The following FUT8 variants were observed in gnomAD, a reference collection of about 807,000 sequenced individuals.
The protein encoded by FUT8 is alpha-(1,6)-fucosyltransferase.
FUT8 carries 29 observed loss-of-function variants against 71.3 expected under a neutral mutation model. The observed-to-expected ratio is 0.41, with a 90% confidence interval of 0.30 to 0.55. FUT8 has a LOEUF of 0.55. Ranked by LOEUF, FUT8 falls within the 20% of genes least tolerant of loss-of-function variation. The probability of loss-of-function intolerance (pLI) is 0.34; values close to 1 mark genes in which losing one functional copy is unlikely to be tolerated. For missense variants in FUT8, 544 were observed against 702.1 expected (o/e 0.77, Z 2.55); for synonymous variants, 254 against 239.3 (o/e 1.06, Z -0.57).
At chr14:65,362,731 G>C in the FUT8 span, among the ~76,000 whole-genome samples, 1 of 152,118 alleles carries the variant, frequency 6.6e-6, no homozygotes, top group African/African-American at 2.4e-5. Flanking sequence ...GGGAGGCTGA[G>C]GCGGGTGAAT....
chr14:65,724,326 A>G lies in FUT8; in HGVS notation c.1259+3A>G, dbSNP rs1265622998. 6.3e-7 allele frequency: 1 copy of G among 1,581,690 alleles called. No homozygotes were observed. Among genetic ancestry groups the G allele is most frequent in the African/African-American group, 1.3e-5 (1 of 74,074 alleles). Reference sequence around the variant, plus strand: ...TTATTAAAGGAGGCAAAAACAAAGTAAGTTAGACCAACTAGTGATTCTAGA... The same window carrying G: ...TTATTAAAGGAGGCAAAAACAAAGTGAGTTAGACCAACTAGTGATTCTAGA... On this transcript the variant is annotated splice_donor_region_variant and intron_variant, in intron 9 of 10. Coordinates refer to ENST00000673929, the MANE Select transcript of FUT8 (RefSeq NM_001371533.1).
At chr14:65,432,011 A>C (rs2065484214) in intron 1 of FUT8, among the ~76,000 whole-genome samples, 1 of 152,186 alleles carries the variant, frequency 6.6e-6, no homozygotes, top group Non-Finnish European at 1.5e-5. Flanking sequence ...ATTTTTTACT[A>C]AAACTGTTCT....
chr14:65,439,938 ATG>A (rs543440132), intron 1 of FUT8, among the ~76,000 whole-genome samples: 2,722 of 74,046 alleles, frequency 0.037, 134 homozygotes, highest in Middle Eastern at 0.06. Flanking sequence ...GATAAAGAAA[ATG>A]TGTGTGTGTG....
chr14:65,561,517 A>G lies in FUT8; in HGVS notation c.-47A>G, dbSNP rs754275403. Reference sequence around the variant, plus strand: ...TAGAAACAGAGTTACAATGTTTTCAATTCTTTGAGCTCCAGGACTCCAGGG... The same window carrying G: ...TAGAAACAGAGTTACAATGTTTTCAGTTCTTTGAGCTCCAGGACTCCAGGG... On this transcript the variant is annotated 5_prime_UTR_variant, in exon 3 of 11. Transcript: ENST00000673929. 64 of 1,578,308 alleles carry G rather than the reference A, an allele frequency of 4.1e-5. No individual in the cohort carries two copies. The highest frequency in any genetic ancestry group is 5.1e-5 in the Non-Finnish European group (59 of 1,150,014).
chr14:65,568,632 AATTAT>A (rs1886320915), intron 3 of FUT8, among the ~76,000 whole-genome samples: 2 of 151,476 alleles, frequency 1.3e-5, no homozygotes, highest in South Asian at 4.2e-4. Flanking sequence ...AACCAGATAG[AATTAT>A]ATTCTATATT....
chr14:65,676,022 A>C (rs574385965), intron 7 of FUT8, among the ~76,000 whole-genome samples: 1 of 152,222 alleles, frequency 6.6e-6, no homozygotes, highest in East Asian at 1.9e-4. Flanking sequence ...ACAAAAAATA[A>C]ATGTAATAAA....
intron 1 of FUT8, among the ~76,000 whole-genome samples, chr14:65,428,629 A>G (rs1266649214): frequency 2.0e-5 from 3 of 152,270 alleles, no homozygotes; most frequent in Non-Finnish European, 4.4e-5. Context: ...TGGAAGAATC[A>G]AGATGGGTGA....
intron 7 of FUT8, among the ~76,000 whole-genome samples, chr14:65,699,390 A>C (rs772760144): frequency 6.6e-6 from 1 of 152,134 alleles, no homozygotes; most frequent in South Asian, 2.1e-4. Context: ...TACTTGCCCC[A>C]TAGGATTGTT....
Position 65,633,968 on chromosome 14 carries a change from C to T in FUT8, c.597+4362C>T, listed in dbSNP as rs556640683. Among the ~76,000 whole-genome samples the T allele has an allele frequency of 1.7e-4, 25 of 151,470 alleles. No individual in the cohort carries two copies. The South Asian group carries it at 2.9e-3, about 18-fold the overall frequency. On this transcript the variant is annotated intron_variant, in intron 6 of 10. Transcript: ENST00000673929. ...GGGGGTCAGCCCCTGCCCGGCTAGC[C>T]GCCCCATCCGGGAGGTGAGGGGCGC...
chr14:65,667,794 C>G (rs1230013992), intron 6 of FUT8, among the ~76,000 whole-genome samples: 1 of 152,122 alleles, frequency 6.6e-6, no homozygotes, highest in Admixed American at 6.6e-5. Context: ...CTGCAGTAAC[C>G]ATGGTATGGG....
intron 1 of FUT8, among the ~76,000 whole-genome samples, chr14:65,415,147 T>A (rs968820306): frequency 1.4e-4 from 21 of 152,346 alleles, no homozygotes; most frequent in Admixed American, 5.2e-4. Flanking sequence ...TTATTATTTT[T>A]AAAAATGCTG....
chr14:65,555,505 C>A (rs1885539921), intron 2 of FUT8, among the ~76,000 whole-genome samples: 1 of 152,192 alleles, frequency 6.6e-6, no homozygotes, highest in Admixed American at 6.5e-5. Flanking sequence ...TTCTGAGTAT[C>A]TACCTCCTCT....
chr14:65,642,180 A>T (rs185681889), intron 6 of FUT8, among the ~76,000 whole-genome samples: 65 of 152,274 alleles, frequency 4.3e-4, no homozygotes, highest in Middle Eastern at 3.4e-3. Flanking sequence ...TAGGTCTAAG[A>T]TCCATTTTGA....
intron 3 of FUT8, among the ~76,000 whole-genome samples, chr14:65,571,873 C>A (rs1207773834): frequency 1.3e-5 from 2 of 151,940 alleles, no homozygotes; most frequent in Admixed American, 6.6e-5. Context: ...CCTGTTTTTT[C>A]TTGTGTACTG....
At chr14:65,677,672 A>G (rs1892827183) in intron 7 of FUT8, among the ~76,000 whole-genome samples, 2 of 152,112 alleles carry the variant, frequency 1.3e-5, no homozygotes, top group Admixed American at 1.3e-4. Context: ...TTAATTATAA[A>G]GTTTCTTTAA....
intron 8 of FUT8, among the ~76,000 whole-genome samples, chr14:65,722,697 G>C (rs778001670): frequency 2.0e-5 from 3 of 152,134 alleles, no homozygotes; most frequent in Non-Finnish European, 4.4e-5. Context: ...CCCAGAAAAA[G>C]AGTGATTATG....
Position 65,482,134 on chromosome 14 carries a change from G to A in FUT8, c.-228+26416G>A, listed in dbSNP as rs60393585. On this transcript the variant is annotated intron_variant, in intron 2 of 10. Coordinates refer to ENST00000673929, the MANE Select transcript of FUT8 (RefSeq NM_001371533.1). The stretch of plus-strand genomic sequence containing the variant: ...ATGGTTTTGTATTTAGACCTATGAT[G>A]CATTTTGAGTTAATTTTTTTATATG... Among the ~76,000 whole-genome samples, 1,182 of 152,210 alleles carry A rather than the reference G, an allele frequency of 7.8e-3. 9 individuals are homozygous for A. Among genetic ancestry groups the A allele is most frequent in the African/African-American group, 0.024 (985 of 41,538 alleles).
intron 2 of FUT8, among the ~76,000 whole-genome samples, chr14:65,494,486 C>T (rs3825640): frequency 6.6e-6 from 1 of 152,034 alleles, no homozygotes; most frequent in African/African-American, 2.4e-5. Context: ...GGCTTATTCT[C>T]CCTCTGTATG....
chr14:65,613,941 G>A (rs763256061), intron 3 of FUT8, among the ~76,000 whole-genome samples: 4 of 151,870 alleles, frequency 2.6e-5, no homozygotes, highest in Non-Finnish European at 5.9e-5. Context: ...ATGAAACCCC[G>A]TCTCTACTAA....
Sources: allele counts gnomAD v4.1 joint callset (sites outside exome capture counted in the v4.1 genomes callset), GRCh38; gene constraint gnomAD v4.1.1; transcripts MANE v1.5; gene names NCBI Gene and HGNC (gene_info 2026-07-23, HGNC 2026-07-21).